Variants in PIGS observed in about 807,000 individuals in gnomAD.
The protein encoded by PIGS is phosphatidylinositol glycan anchor biosynthesis class S.
PIGS carries 37 observed loss-of-function variants against 58.2 expected under a neutral mutation model. The ratio of observed to expected loss-of-function variants is 0.64; its 90% CI spans 0.49 to 0.84. The LOEUF is 0.84. PIGS is among the 40% of genes least tolerant of loss of function. PIGS has a pLI of 0.00. For synonymous variants in PIGS, 269 were observed against 289.2 expected (o/e 0.93, Z 0.71); for missense variants, 629 against 710.8 (o/e 0.88, Z 1.31).
chr17:28,563,934 G>A (rs1419937062), intron 3 of PIGS, 27 bp from the exon 4 acceptor site: 1 of 1,588,264 alleles, frequency 6.3e-7, no homozygotes, highest in African/African-American at 1.3e-5. Context: ...GTAGCACAAT[G>A]AAAAGGGCAA....
At chr17:28,571,333 A>G in intron 1 of PIGS, 130 bp downstream of exon 1, 1 of 1,517,286 alleles carries the variant, frequency 6.6e-7, no homozygotes, top group Non-Finnish European at 8.9e-7. Context: ...CCAAGCCTGA[A>G]GGGAATCTCG....
chr17:28,563,304 A>AT, intron 5 of PIGS, 127 bp downstream of exon 5: 2 of 840,804 alleles, frequency 2.4e-6, no homozygotes, highest in Non-Finnish European at 3.8e-6. Flanking sequence ...AAAAAAAAAA[A>AT]ATTTTTTTTT....
At position 28,571,474 on chromosome 17, in the gene PIGS, G is replaced by A. The variant is rs776070875; in HGVS notation, c.23C>T (p.Ala8Val). Residue 8 changes from alanine (A) to valine (V), a missense_variant, in exon 1 of 12, where the codon GCT (alanine) becomes GTT (valine). Coordinates refer to ENST00000308360, the MANE Select transcript of PIGS (RefSeq NM_033198.4). MAAAGAA[A>V]THLEVARGKR... ...GAAGCCCACCGCACCTAGGTGTGTA[G>A]CCGCAGCCCCGGCGGCCGCCATGCT... 1.2e-6 allele frequency: 2 copies of A among 1,609,702 alleles called. No homozygotes were observed. Among genetic ancestry groups the A allele is most frequent in the Non-Finnish European group, 1.7e-6 (2 of 1,178,400 alleles).
At chr17:28,565,470 A>AT (rs972298682) in intron 3 of PIGS, among the ~76,000 whole-genome samples, 1 of 151,970 alleles carries the variant, frequency 6.6e-6, no homozygotes, top group Non-Finnish European at 1.5e-5. Context: ...TCCTGAAGGG[A>AT]TTTTTTTTGC....
At chr17:28,557,322 T>C (rs1308710514) in intron 8 of PIGS, 1 of 250,412 alleles carries the variant, frequency 4.0e-6, no homozygotes, top group African/African-American at 2.4e-5. Context: ...AGTTCCCTGC[T>C]TAATATCCCT....
chr17:28,561,225 T>C (rs570799180), intron 6 of PIGS, among the ~76,000 whole-genome samples, 197 bp downstream of exon 6: 26 of 151,992 alleles, frequency 1.7e-4, no homozygotes, highest in Non-Finnish European at 3.4e-4. Flanking sequence ...GCCACTGCAC[T>C]CAGCCCAGGC....
chr17:28,556,854 G>A lies in PIGS; in HGVS notation c.1053C>T (p.Phe351=), dbSNP rs1442982657. The A allele has an allele frequency of 6.2e-7, 1 of 1,614,134 alleles. No homozygotes were observed. The highest frequency in any genetic ancestry group is 8.5e-7 in the Non-Finnish European group (1 of 1,180,018). The change falls in exon 9 of 12, where the codon TTC becomes TTT. Residue 351 remains phenylalanine, a synonymous_variant. Coordinates refer to ENST00000308360, the MANE Select transcript of PIGS (RefSeq NM_033198.4). ...TAATGCCACCCCAGCGGGGACTATG[G>A]AAGGCATTGGTGGCCACTGGAGCGC... The part of the protein sequence containing the change: ...KDGAPVATNA[F]HSPRWGGIMV...
At chr17:28,556,654 G>A in intron 9 of PIGS, 173 bp downstream of exon 9, 1 of 829,648 alleles carries the variant, frequency 1.2e-6, no homozygotes, top group Non-Finnish European at 1.9e-6. Flanking sequence ...AACAAAAGTG[G>A]GGCCGGCAGA....
At chr17:28,559,765 A>C (rs1359135509) in intron 7 of PIGS, among the ~76,000 whole-genome samples, 4 of 151,866 alleles carry the variant, frequency 2.6e-5, no homozygotes, top group African/African-American at 9.7e-5. Flanking sequence ...TGGTGAGTAC[A>C]GGTCTAGAGG....
intron 1 of PIGS, 25 bp downstream of exon 1, chr17:28,571,438 G>A: frequency 6.2e-7 from 1 of 1,608,604 alleles, no homozygotes; most frequent in South Asian, 1.1e-5. Context: ...CTAGCTGCAG[G>A]CCCCCCACCC....
At chr17:28,554,776 T>G in intron 11 of PIGS, 75 bp downstream of exon 11, 1 of 1,562,744 alleles carries the variant, frequency 6.4e-7, no homozygotes, top group South Asian at 1.1e-5. Flanking sequence ...TCACAGGCTC[T>G]CTGGTCTCAC....
chr17:28,571,027 C>T (rs548530429), intron 2 of PIGS, 22 bp downstream of exon 2: 1 of 1,614,028 alleles, frequency 6.2e-7, no homozygotes, highest in African/African-American at 1.3e-5. Context: ...TGTCCCCCGA[C>T]CCTCCCGCAC....
Position 28,556,911 on chromosome 17 carries a change from T to G in PIGS, c.996A>C (p.Ala332=). 1 of 1,614,146 alleles carries G rather than the reference T, an allele frequency of 6.2e-7. No individual in the cohort carries two copies. The change falls in exon 9 of 12, where the codon GCA becomes GCC. Residue 332 remains alanine, a synonymous_variant. Transcript: ENST00000308360. ...TGTCCTGAATGTACAGCGGTGAGTG[T>G]GCAAGCTCAGGCACGTAGAGTAGAA... ...LNFLLYVPEL[A]HSPLYIQDKD...
chr17:28,571,032 C>T lies in PIGS; in HGVS notation c.174+17G>A. 2 of 1,614,134 alleles carry T rather than the reference C, an allele frequency of 1.2e-6. No individual in the cohort carries two copies. The highest frequency in any genetic ancestry group is 1.7e-6 in the Non-Finnish European group (2 of 1,180,006). ...CCGGGGGGGCTGTCCCCCGACCCTC[C>T]CGCACAGCAGTCTCACCTGAAGGGC... On this transcript the variant is annotated intron_variant, in intron 2 of 11. Transcript: ENST00000308360.
Position 28,556,192 on chromosome 17 carries a change from C to T in PIGS, c.1155G>A (p.Val385=). 5.0e-6 allele frequency: 8 copies of T among 1,613,952 alleles called. No individual in the cohort carries two copies. Among genetic ancestry groups the T allele is most frequent in the Non-Finnish European group, 6.8e-6 (8 of 1,179,840 alleles). ...GCAACTGTGCCAGGAACACCTCCAT[C>T]ACTCGCACCATGTCCACCTCGACTC... ...PVRVEVDMVR[V]MEVFLAQLRL... Residue 385 remains valine (V), a synonymous_variant, in exon 10 of 12, where the codon GTG becomes GTA. Transcript: ENST00000308360.
rs779146766 is a variant in PIGS, at chr17:28,554,204, G to A, written c.*16C>T. 1.2e-6 allele frequency: 2 copies of A among 1,611,908 alleles called. No individual in the cohort carries two copies. Among genetic ancestry groups the A allele is most frequent in the Non-Finnish European group, 1.7e-6 (2 of 1,178,626 alleles). The stretch of plus-strand genomic sequence containing the variant: ...TTGGCCAGAAAGGAAGGCTTCCTAT[G>A]GAGGTGCTGCCCTGCTCAGTCTGTC... On this transcript the variant is annotated 3_prime_UTR_variant, in exon 12 of 12. Transcript: ENST00000308360.
intron 5 of PIGS, 196 bp from the exon 6 acceptor site, chr17:28,561,825 C>T: frequency 1.7e-6 from 1 of 572,176 alleles, no homozygotes; most frequent in Non-Finnish European, 3.0e-6. Context: ...TCTCCGTTCT[C>T]TTCTTTTTCC....
At chr17:28,559,964 A>C (rs2070353103) in intron 7 of PIGS, 85 bp downstream of exon 7, 1 of 1,477,724 alleles carries the variant, frequency 6.8e-7, no homozygotes, top group Admixed American at 2.3e-5. Flanking sequence ...GCAAATCAGC[A>C]AGCTCTAAGA....
In PIGS at chr17:28,560,343, A is replaced by G. The variant is rs1191473839; in HGVS notation, c.677-152T>C. The G allele has an allele frequency of 3.2e-6, 3 of 938,012 alleles. No individual in the cohort carries two copies. In the East Asian group the frequency reaches 8.3e-5, roughly 26 times the overall value. 58.1% of individuals were successfully genotyped at this position (938,012 alleles called of 1,614,324 possible). A position where few individuals can be genotyped will look rare whatever the true frequency, so the allele number is the denominator to read the frequency against. The stretch of plus-strand genomic sequence containing the variant: ...AAGGAGGACAAAACTGGGATGAGGA[A>G]CACTGAGTAAGAAAAAGCTGCCGGG... On this transcript the variant is annotated intron_variant, in intron 6 of 11. Transcript: ENST00000308360.
Sources: gnomAD v4.1 joint callset for allele counts (sites outside exome capture counted in the v4.1 genomes callset) on GRCh38, gnomAD v4.1.1 for gene constraint, MANE v1.5 for transcripts, NCBI Gene and HGNC (gene_info 2026-07-23, HGNC 2026-07-21) for gene names.